The following LYRM4 variants were observed in gnomAD, a reference collection of about 807,000 sequenced individuals.
LYRM4 encodes LYR motif-containing protein 4.
Under a neutral mutation model 11.7 loss-of-function variants are expected in LYRM4, and 9 were observed. The ratio of observed to expected loss-of-function variants is 0.77; its 90% CI spans 0.46 to 1.34. The LOEUF (loss-of-function observed/expected upper bound fraction) is 1.34. LYRM4 is among the 40% of genes most tolerant of loss of function. LYRM4 has a pLI of 0.00. For synonymous variants in LYRM4, 42 were observed against 40.4 expected (o/e 1.04, Z -0.15); for missense variants, 133 against 112.5 (o/e 1.18, Z -0.82).
intron 2 of LYRM4, among the ~76,000 whole-genome samples, chr6:5,195,059 T>C (rs1760972727): frequency 6.6e-6 from 1 of 152,234 alleles, no homozygotes; most frequent in African/African-American, 2.4e-5. Flanking sequence ...ATTATGCATA[T>C]GTGTTCCTGT....
At position 5,249,497 on chromosome 6, in the gene LYRM4, C is replaced by T. The variant is rs117801064; in HGVS notation, c.86+11151G>A. On this transcript the variant is annotated intron_variant, in intron 1 of 2. Coordinates refer to ENST00000330636, the MANE Select transcript of LYRM4 (RefSeq NM_020408.6). ...TTTTTATCACGAAAGATCATTTCTGCGATCTATTTTTTAACCTCAAAACGT... is the reference window on the plus strand; with the variant it reads ...TTTTTATCACGAAAGATCATTTCTGTGATCTATTTTTTAACCTCAAAACGT... Among the ~76,000 whole-genome samples the T allele has an allele frequency of 1.1e-3, 168 of 152,196 alleles. 3 individuals are homozygous for T. The East Asian group carries it at 0.027, about 24-fold the overall frequency.
chr6:5,171,236 C>A (rs1281694446), intron 2 of LYRM4, among the ~76,000 whole-genome samples: 13 of 152,124 alleles, frequency 8.5e-5, no homozygotes, highest in Non-Finnish European at 1.9e-4. Context: ...TTAAGCCACC[C>A]CTCCTAATGC....
chr6:5,187,280 A>G (rs1430637579), intron 2 of LYRM4, among the ~76,000 whole-genome samples: 2 of 152,170 alleles, frequency 1.3e-5, no homozygotes, highest in African/African-American at 4.8e-5. Flanking sequence ...CACATTTTAA[A>G]TGTTCATACC....
At chr6:5,227,610 T>C (rs1046120698) in intron 1 of LYRM4, among the ~76,000 whole-genome samples, 8 of 152,272 alleles carry the variant, frequency 5.3e-5, no homozygotes, top group Non-Finnish European at 8.8e-5. Context: ...GAAATACCAT[T>C]TGACCCAGCA....
chr6:5,245,113 A>AAAATATAT (rs70974183), intron 1 of LYRM4, among the ~76,000 whole-genome samples: 3 of 24,142 alleles, frequency 1.2e-4, no homozygotes, highest in Non-Finnish European at 2.0e-4. Flanking sequence ...AAAAAAAAAA[A>AAAATATAT]ATATATATAT....
chr6:5,111,950 A>G (rs978415659), intron 2 of LYRM4, among the ~76,000 whole-genome samples: 3 of 152,158 alleles, frequency 2.0e-5, no homozygotes, highest in African/African-American at 7.2e-5. Flanking sequence ...CAAGAGAAAG[A>G]TGTGTGAGAT....
At chr6:5,161,001 C>A (rs939782980) in intron 2 of LYRM4, among the ~76,000 whole-genome samples, 1 of 152,208 alleles carries the variant, frequency 6.6e-6, no homozygotes, top group Non-Finnish European at 1.5e-5. Context: ...CCTTTTCCCA[C>A]TAGACAAATT....
chr6:5,109,253 CT>C lies in LYRM4; in HGVS notation c.*169del. On this transcript the variant is annotated 3_prime_UTR_variant, in exon 3 of 3. Transcript: ENST00000330636. ...CTTGAACCAAGGAAAGACAGCAGTCCTTTTTCACTAAGCCTGCAACAGAATG... is the reference window on the plus strand; with the variant it reads ...CTTGAACCAAGGAAAGACAGCAGTCCTTTTCACTAAGCCTGCAACAGAATG... 4 of 1,475,658 alleles carry C rather than the reference CT, an allele frequency of 2.7e-6. No individual in the cohort carries two copies. The highest frequency in any genetic ancestry group is 1.8e-6 in the Non-Finnish European group (2 of 1,112,828). The allele number at this position is 1,475,658 out of a possible 1,614,324, so 91.4% of individuals were successfully genotyped here.
chr6:5,100,803 C>A (rs1762475290), downstream of LYRM4, among the ~76,000 whole-genome samples: 1 of 152,204 alleles, frequency 6.6e-6, no homozygotes, highest in Non-Finnish European at 1.5e-5. Flanking sequence ...GAGGGGCAGT[C>A]CCCCTGCCAG....
the LYRM4 span, among the ~76,000 whole-genome samples, chr6:5,075,898 A>T: frequency 1.3e-5 from 2 of 151,886 alleles, no homozygotes; most frequent in Non-Finnish European, 2.9e-5. Flanking sequence ...CACTTCATAC[A>T]CCTTAGCTCC....
intron 2 of LYRM4, among the ~76,000 whole-genome samples, chr6:5,116,870 G>T (rs1276714951): frequency 1.3e-5 from 2 of 152,088 alleles, no homozygotes; most frequent in African/African-American, 4.8e-5. Context: ...AATACAATTG[G>T]GCACAATGTT....
the LYRM4 span, chr6:5,086,256 G>A: frequency 2.6e-6 from 4 of 1,535,570 alleles, no homozygotes; most frequent in Non-Finnish European, 3.5e-6. Context: ...TTACCGAGTG[G>A]CGCTCCTTCC....
intron 2 of LYRM4, among the ~76,000 whole-genome samples, chr6:5,167,263 G>T (rs530960922): frequency 6.6e-6 from 1 of 152,148 alleles, no homozygotes; most frequent in Non-Finnish European, 1.5e-5. Context: ...AAAGTTAAAA[G>T]CTTAATTTTC....
chr6:5,172,874 G>A (rs895848140), intron 2 of LYRM4, among the ~76,000 whole-genome samples: 1 of 152,068 alleles, frequency 6.6e-6, no homozygotes. Context: ...GACCTATAGG[G>A]CTAGCAGCCA....
chr6:5,166,807 A>G (rs1759113568), intron 2 of LYRM4, among the ~76,000 whole-genome samples: 1 of 152,254 alleles, frequency 6.6e-6, no homozygotes. Context: ...AATGAATGAA[A>G]GTTGAATTAT....
At chr6:5,188,676 A>G (rs745618047) in intron 2 of LYRM4, among the ~76,000 whole-genome samples, 15 of 152,300 alleles carry the variant, frequency 9.8e-5, no homozygotes, top group Admixed American at 3.9e-4. Context: ...ATCTTATAGT[A>G]CTATTGGAGG....
At chr6:5,128,106 A>G (rs1763780050) in intron 2 of LYRM4, among the ~76,000 whole-genome samples, 1 of 152,170 alleles carries the variant, frequency 6.6e-6, no homozygotes, top group East Asian at 1.9e-4. Flanking sequence ...GACGAGGAAG[A>G]GTCTGGGCAG....
intron 1 of LYRM4, among the ~76,000 whole-genome samples, chr6:5,234,086 A>T (rs970950280): frequency 6.6e-6 from 1 of 152,238 alleles, no homozygotes; most frequent in Admixed American, 6.5e-5. Flanking sequence ...ATATTTCTGA[A>T]AACAGTCTAT....
At chr6:5,116,804 C>T (rs1412613883) in intron 2 of LYRM4, among the ~76,000 whole-genome samples, 1 of 152,340 alleles carries the variant, frequency 6.6e-6, no homozygotes, top group South Asian at 2.1e-4. Context: ...CACTTAAGAG[C>T]TCTGAGACTC....
Sources: gnomAD v4.1 joint callset for allele counts (sites outside exome capture counted in the v4.1 genomes callset) on GRCh38, gnomAD v4.1.1 for gene constraint, MANE v1.5 for transcripts, NCBI Gene and HGNC (gene_info 2026-07-23, HGNC 2026-07-21) for gene names.